The following ATF6 variants were observed in gnomAD, a reference collection of about 807,000 sequenced individuals.
ATF6 encodes activating transcription factor 6.
In ATF6, 53 loss-of-function variants were observed where a neutral mutation model predicts 83.6. The observed-to-expected ratio is 0.63, with a 90% CI of 0.51 to 0.80. The LOEUF is 0.80. Ranked by LOEUF, ATF6 falls within the 30% of genes least tolerant of loss-of-function variation. The pLI, the probability that ATF6 is intolerant of heterozygous loss-of-function variation, is 0.00. For missense variants in ATF6, 744 were observed against 797.9 expected (o/e 0.93, Z 0.81); for synonymous variants, 288 against 285.8 (o/e 1.01, Z -0.08).
At chr1:161,805,785 G>A (rs1266708830) in intron 7 of ATF6, among the ~76,000 whole-genome samples, 1 of 150,116 alleles carries the variant, frequency 6.7e-6, no homozygotes, top group Admixed American at 6.7e-5. Flanking sequence ...TAAACCAAAA[G>A]TATGGTGAAA....
chr1:161,945,586 A>G (rs1688731765), intron 15 of ATF6, among the ~76,000 whole-genome samples: 1 of 152,224 alleles, frequency 6.6e-6, no homozygotes, highest in African/African-American at 2.4e-5. Context: ...GAGATAGTAT[A>G]CTTATCTTTT....
Position 161,880,582 on chromosome 1 carries a change from C to G in ATF6, c.1719+17270C>G, listed in dbSNP as rs1297670536. On this transcript the variant is annotated intron_variant, in intron 14 of 15. Coordinates refer to ENST00000367942, the MANE Select transcript of ATF6 (RefSeq NM_007348.4). ...CCAGCAGAATTATTTTGAGATTAAT[C>G]CATGGTGTTGCTTGTATCAGTAGTT... Among the ~76,000 whole-genome samples the G allele has an allele frequency of 3.3e-5, 5 of 152,196 alleles. No individual in the cohort carries two copies. In the East Asian group the frequency reaches 5.8e-4, roughly 18 times the overall value.
chr1:161,916,586 AT>A (rs1688106351), intron 15 of ATF6, among the ~76,000 whole-genome samples: 2 of 152,128 alleles, frequency 1.3e-5, no homozygotes, highest in Non-Finnish European at 2.9e-5. Context: ...AAATCTCTCC[AT>A]TTTCCCCCAA....
In ATF6 at chr1:161,962,980, G is replaced by A. The variant is rs1689131111; in HGVS notation, c.*4326G>A. On this transcript the variant is annotated 3_prime_UTR_variant, in exon 16 of 16. Transcript: ENST00000367942. ...AGAAACAAGAATAAAGCCTAAAAGAGAATGAAATATAAGAAATGTTCGTTC... is the reference window on the plus strand; with the variant it reads ...AGAAACAAGAATAAAGCCTAAAAGAAAATGAAATATAAGAAATGTTCGTTC... 1 of 152,158 alleles carries A rather than the reference G, an allele frequency of 6.6e-6. No individual in the cohort carries two copies. The highest frequency in any genetic ancestry group is 2.4e-5 in the African/African-American group (1 of 41,454). The allele number at this position is 152,158 out of a possible 1,614,324, so 9.4% of individuals were successfully genotyped here.
chr1:161,888,448 C>T (rs1315162543), intron 14 of ATF6, among the ~76,000 whole-genome samples: 2 of 151,900 alleles, frequency 1.3e-5, no homozygotes, highest in African/African-American at 4.8e-5. Context: ...ATCTAAATTC[C>T]CCTAGCTTGA....
intron 15 of ATF6, among the ~76,000 whole-genome samples, chr1:161,932,961 C>T (rs1337388973): frequency 6.6e-6 from 1 of 152,186 alleles, no homozygotes; most frequent in Non-Finnish European, 1.5e-5. Context: ...ATGACATGGC[C>T]TCTGGCTCTG....
intron 1 of ATF6, among the ~76,000 whole-genome samples, chr1:161,766,689 G>A (rs1440631002): frequency 1.3e-5 from 2 of 152,196 alleles, no homozygotes; most frequent in Non-Finnish European, 2.9e-5. Context: ...TCCCACTGGG[G>A]AAGTACCGGG....
At chr1:161,894,363 A>G (rs6427637) in intron 14 of ATF6, among the ~76,000 whole-genome samples, 21,477 of 151,454 alleles carry the variant, frequency 0.14, 2,101 homozygotes, top group East Asian at 0.33. Context: ...TCTAATTTTT[A>G]TGATTGAGTG....
At chr1:161,784,525 C>T (rs1029377800) in intron 4 of ATF6, among the ~76,000 whole-genome samples, 2 of 152,206 alleles carry the variant, frequency 1.3e-5, no homozygotes, top group African/African-American at 4.8e-5. Context: ...CTAGTGCTAC[C>T]TTTTGAAGGG....
intron 9 of ATF6, among the ~76,000 whole-genome samples, chr1:161,823,381 A>G (rs574173321): frequency 7.2e-5 from 11 of 152,230 alleles, no homozygotes; most frequent in Admixed American, 2.6e-4. Context: ...TTTTCTCTAT[A>G]TACACATTTA....
At position 161,961,798 on chromosome 1, in the gene ATF6, A is replaced by G. The variant is rs1237877829; in HGVS notation, c.*3144A>G. 1 of 152,206 alleles carries G rather than the reference A, an allele frequency of 6.6e-6. No individual in the cohort carries two copies. The highest frequency in any genetic ancestry group is 1.5e-5 in the Non-Finnish European group (1 of 68,040). The allele number at this position is 152,206 out of a possible 1,614,324, so 9.4% of individuals were successfully genotyped here. On this transcript the variant is annotated 3_prime_UTR_variant, in exon 16 of 16. Transcript: ENST00000367942. ...GAAGTGATGGTAGAGACTGATGGGA[A>G]TAGTCTTTCTGCCTGGTTGCAAGTC...
chr1:161,938,325 T>C (rs553093729), intron 15 of ATF6, among the ~76,000 whole-genome samples: 168 of 152,366 alleles, frequency 1.1e-3, no homozygotes, highest in African/African-American at 3.8e-3. Flanking sequence ...TAACTGAATA[T>C]GTTAGAATTA....
At chr1:161,946,886 A>G (rs546305573) in intron 15 of ATF6, among the ~76,000 whole-genome samples, 1 of 152,264 alleles carries the variant, frequency 6.6e-6, no homozygotes, top group South Asian at 2.1e-4. Context: ...ACTCTTTCCT[A>G]AGCAAGTAAG....
At chr1:161,873,216 G>T (rs1284568214) in intron 14 of ATF6, among the ~76,000 whole-genome samples, 2 of 151,532 alleles carry the variant, frequency 1.3e-5, no homozygotes, top group African/African-American at 2.4e-5. Flanking sequence ...CTTAAATACA[G>T]AGCTGGTTTT....
intron 12 of ATF6, among the ~76,000 whole-genome samples, chr1:161,854,609 C>T (rs1435279257): frequency 1.3e-5 from 2 of 152,142 alleles, no homozygotes; most frequent in Non-Finnish European, 2.9e-5. Flanking sequence ...TGGTGGCTCA[C>T]GCCTGTAATC....
chr1:161,870,444 G>A (rs1687098944), intron 14 of ATF6, among the ~76,000 whole-genome samples: 1 of 151,716 alleles, frequency 6.6e-6, no homozygotes, highest in African/African-American at 2.4e-5. Context: ...GTCTTAAAAA[G>A]GAAGTAGTTT....
chr1:161,928,597 T>C (rs1441632577), intron 15 of ATF6, among the ~76,000 whole-genome samples: 1 of 150,242 alleles, frequency 6.7e-6, no homozygotes, highest in African/African-American at 2.4e-5. Flanking sequence ...CCTTTTTCCA[T>C]GACATTTAAA....
At chr1:161,841,369 G>GT (rs959352832) in intron 9 of ATF6, among the ~76,000 whole-genome samples, 11 of 151,198 alleles carry the variant, frequency 7.3e-5, no homozygotes, top group South Asian at 2.1e-4. Context: ...GTATTTAAAT[G>GT]TTTTTTTAGC....
intron 12 of ATF6, among the ~76,000 whole-genome samples, chr1:161,856,392 A>G (rs761418003): frequency 6.6e-5 from 10 of 152,198 alleles, no homozygotes; most frequent in African/African-American, 1.4e-4. Flanking sequence ...AAAGCTGCTT[A>G]TTGGCATTGG....
Sources: allele counts gnomAD v4.1 joint callset (sites outside exome capture counted in the v4.1 genomes callset), GRCh38; gene constraint gnomAD v4.1.1; transcripts MANE v1.5; gene names NCBI Gene and HGNC (gene_info 2026-07-23, HGNC 2026-07-21).